The following RALGAPA2 variants were observed in gnomAD, a reference collection of about 807,000 sequenced individuals.
RALGAPA2 encodes ral GTPase-activating protein subunit alpha-2.
A neutral mutation model predicts 230.4 loss-of-function variants in RALGAPA2; 139 were observed. The observed-to-expected ratio is 0.60, with a 90% CI of 0.53 to 0.69. RALGAPA2 has a LOEUF of 0.69. Among genes scored for constraint, RALGAPA2 ranks in the 30% least tolerant of loss-of-function variants. The pLI is 0.00. For missense variants in RALGAPA2, 2,163 were observed against 2,276.0 expected (o/e 0.95, Z 1.01); for synonymous variants, 847 against 837.8 (o/e 1.01, Z -0.19).
intron 15 of RALGAPA2, 66 bp from the exon 16 acceptor site, chr20:20,601,912 G>T: frequency 7.2e-7 from 1 of 1,380,162 alleles, no homozygotes; most frequent in Non-Finnish European, 9.7e-7. Flanking sequence ...CGCTTGTGTT[G>T]CTCAGCAAAT....
At position 20,507,946 on chromosome 20, in the gene RALGAPA2, A is replaced by G. The variant is rs7263577; in HGVS notation, c.4929-2412T>C. On this transcript the variant is annotated intron_variant, in intron 33 of 39. Transcript: ENST00000202677. ...CATATGTAAAAACTCCTCAGCATTTAATTTTTCTTTGTTTTATAGACTTTA... is the reference window on the plus strand; with the variant it reads ...CATATGTAAAAACTCCTCAGCATTTGATTTTTCTTTGTTTTATAGACTTTA... Among the ~76,000 whole-genome samples the G allele has an allele frequency of 9.5e-3, 1,453 of 152,320 alleles. 24 individuals are homozygous for G. Among genetic ancestry groups the G allele is most frequent in the African/African-American group, 0.034 (1,406 of 41,560 alleles).
intron 24 of RALGAPA2, among the ~76,000 whole-genome samples, chr20:20,538,232 T>C (rs2063549360): frequency 6.6e-6 from 1 of 152,156 alleles, no homozygotes; most frequent in South Asian, 2.1e-4. Flanking sequence ...AAAGGCAATA[T>C]AAAGCACAGC....
At chr20:20,551,261 A>G (rs963938724) in intron 23 of RALGAPA2, among the ~76,000 whole-genome samples, 4 of 152,248 alleles carry the variant, frequency 2.6e-5, no homozygotes, top group African/African-American at 9.6e-5. Flanking sequence ...ACTAAACAAT[A>G]GGCTCAATGA....
At chr20:20,432,585 T>C (rs917365316) in intron 37 of RALGAPA2, among the ~76,000 whole-genome samples, 1 of 152,200 alleles carries the variant, frequency 6.6e-6, no homozygotes, top group Non-Finnish European at 1.5e-5. Flanking sequence ...AGCATTTCCT[T>C]AGAACATCTT....
At chr20:20,598,490 C>A (rs1238395839) in intron 16 of RALGAPA2, among the ~76,000 whole-genome samples, 2 of 152,124 alleles carry the variant, frequency 1.3e-5, no homozygotes, top group African/African-American at 4.8e-5. Flanking sequence ...AGAAATTTTT[C>A]TTGACTATCT....
intron 37 of RALGAPA2, among the ~76,000 whole-genome samples, chr20:20,429,880 G>A (rs2060466433): frequency 6.6e-6 from 1 of 152,144 alleles, no homozygotes; most frequent in African/African-American, 2.4e-5. Flanking sequence ...TTAATTATGT[G>A]CCACTTGGTG....
At chr20:20,541,057 A>ATTTTTT (rs56090872) in intron 24 of RALGAPA2, among the ~76,000 whole-genome samples, 2 of 140,840 alleles carry the variant, frequency 1.4e-5, no homozygotes, top group Non-Finnish European at 3.1e-5. Flanking sequence ...AGTCAGGAGA[A>ATTTTTT]TTTTTTTTTT....
At chr20:20,570,739 TGCA>T (rs2064601328) in intron 23 of RALGAPA2, among the ~76,000 whole-genome samples, 1 of 152,218 alleles carries the variant, frequency 6.6e-6, no homozygotes, top group Non-Finnish European at 1.5e-5. Flanking sequence ...ATCTTCCAAA[TGCA>T]GTCCAGAATC....
intron 37 of RALGAPA2, among the ~76,000 whole-genome samples, chr20:20,447,804 C>T (rs1307098872): frequency 6.6e-6 from 1 of 152,090 alleles, no homozygotes; most frequent in Non-Finnish European, 1.5e-5. Flanking sequence ...AGTCTCTTGC[C>T]TACTGGACTG....
At chr20:20,630,588 A>G (rs757105688) in intron 9 of RALGAPA2, among the ~76,000 whole-genome samples, 1 of 152,224 alleles carries the variant, frequency 6.6e-6, no homozygotes, top group Non-Finnish European at 1.5e-5. Context: ...GTGCTCACCT[A>G]TGGAAATTAT....
chr20:20,582,923 G>C, intron 20 of RALGAPA2, 127 bp downstream of exon 20: 1 of 955,358 alleles, frequency 1.0e-6, no homozygotes, highest in South Asian at 1.8e-5. Context: ...ATGGTGGACA[G>C]TGGTCAGGAG....
At chr20:20,512,201 C>G (rs2062725723) in intron 32 of RALGAPA2, among the ~76,000 whole-genome samples, 1 of 149,636 alleles carries the variant, frequency 6.7e-6, no homozygotes, top group Non-Finnish European at 1.5e-5. Flanking sequence ...AAACAAAAAA[C>G]AAACAACAAC....
intron 23 of RALGAPA2, among the ~76,000 whole-genome samples, chr20:20,555,844 T>C (rs2064068604): frequency 6.6e-6 from 1 of 152,246 alleles, no homozygotes; most frequent in Non-Finnish European, 1.5e-5. Flanking sequence ...CAAGATCATA[T>C]ATTTGTCAAT....
chr20:20,411,349 T>C (rs574625709), intron 38 of RALGAPA2, among the ~76,000 whole-genome samples: 2 of 152,366 alleles, frequency 1.3e-5, no homozygotes, highest in South Asian at 4.1e-4. Context: ...GCAATACATG[T>C]ATTTTTCCCC....
At chr20:20,581,212 C>T (rs375485905) in intron 20 of RALGAPA2, among the ~76,000 whole-genome samples, 1 of 152,274 alleles carries the variant, frequency 6.6e-6, no homozygotes, top group African/African-American at 2.4e-5. Context: ...AATACATACC[C>T]TGAAATGGGA....
Position 20,393,708 on chromosome 20 carries a change from C to T in RALGAPA2, c.*36-455G>A, listed in dbSNP as rs186204706. Among the ~76,000 whole-genome samples, 1,440 of 152,268 alleles carry T rather than the reference C, an allele frequency of 9.5e-3. 11 individuals carry two copies. The highest frequency in any genetic ancestry group is 0.02 in the South Asian group (95 of 4,822). ...ATATTCTACACAATGAGTTACAACT[C>T]GATTATTCCCCAAAGGGTCTAAGAC... On this transcript the variant is annotated intron_variant, in intron 39 of 39. Coordinates refer to ENST00000202677, the MANE Select transcript of RALGAPA2 (RefSeq NM_020343.4).
Position 20,695,995 on chromosome 20 carries a change from G to C in RALGAPA2, c.107-15194C>G, listed in dbSNP as rs368877657. Reference sequence around the variant, plus strand: ...CCATTTTTTTTTTGTCAGCATCAAGGGCACTTTTTAATATGCCTGCTCTCT... The same window carrying C: ...CCATTTTTTTTTTGTCAGCATCAAGCGCACTTTTTAATATGCCTGCTCTCT... On this transcript the variant is annotated intron_variant, in intron 1 of 39. Transcript: ENST00000202677. Among the ~76,000 whole-genome samples the C allele has an allele frequency of 3.3e-5, 5 of 151,990 alleles. No homozygotes were observed. In the East Asian group the frequency reaches 7.7e-4, roughly 23 times the overall value.
At chr20:20,667,758 A>C (rs768694039) in intron 3 of RALGAPA2, among the ~76,000 whole-genome samples, 10 of 152,230 alleles carry the variant, frequency 6.6e-5, no homozygotes, top group Non-Finnish European at 1.2e-4. Context: ...AAGGGGAAAC[A>C]GATGGAGAAA....
chr20:20,397,549 T>C (rs1218455805), intron 38 of RALGAPA2, among the ~76,000 whole-genome samples: 1 of 152,232 alleles, frequency 6.6e-6, no homozygotes, highest in Non-Finnish European at 1.5e-5. Context: ...ACAACTCTCC[T>C]GAATTCTGTG....
Sources: allele counts gnomAD v4.1 joint callset (sites outside exome capture counted in the v4.1 genomes callset), GRCh38; gene constraint gnomAD v4.1.1; transcripts MANE v1.5; gene names NCBI Gene and HGNC (gene_info 2026-07-23, HGNC 2026-07-21).